LPAR3: variants seen among roughly 807,000 people sequenced by gnomAD.
LPAR3 encodes lysophosphatidic acid receptor 3.
LPAR3 carries 7 observed loss-of-function variants against 17.8 expected under a neutral mutation model. That is an observed-to-expected ratio of 0.39 (90% CI 0.22 to 0.74). The LOEUF (loss-of-function observed/expected upper bound fraction) is 0.74, where lower values mean the gene tolerates loss of function less well. LPAR3 is among the 30% of genes least tolerant of loss of function. The probability of loss-of-function intolerance (pLI) is 0.40; values close to 1 mark genes in which losing one functional copy is unlikely to be tolerated. For missense variants in LPAR3, 391 were observed against 453.4 expected (o/e 0.86, Z 1.25); for synonymous variants, 179 against 179.9 (o/e 0.99, Z 0.04).
intron 1 of LPAR3, among the ~76,000 whole-genome samples, chr1:84,882,782 C>T (rs771539593): frequency 7.9e-5 from 12 of 152,076 alleles, no homozygotes; most frequent in Non-Finnish European, 1.3e-4. Context: ...CAAACCTGCA[C>T]GTTGTGCACA....
intron 2 of LPAR3, among the ~76,000 whole-genome samples, chr1:84,836,359 C>G (rs1452464915): frequency 1.6e-5 from 2 of 128,056 alleles, no homozygotes; most frequent in East Asian, 4.9e-4. Context: ...AAAAAAAAAC[C>G]CATTCTGCAA....
intron 2 of LPAR3, among the ~76,000 whole-genome samples, chr1:84,823,929 C>T (rs1176400072): frequency 1.3e-5 from 2 of 152,200 alleles, no homozygotes; most frequent in African/African-American, 4.8e-5. Context: ...AAGGATTGGA[C>T]ATTCTTCCTG....
chr1:84,817,041 T>C (rs754565756), intron 2 of LPAR3, among the ~76,000 whole-genome samples: 1 of 152,208 alleles, frequency 6.6e-6, no homozygotes, highest in South Asian at 2.1e-4. Context: ...AGTTCCCAGA[T>C]GCGTACCTCT....
intron 2 of LPAR3, among the ~76,000 whole-genome samples, chr1:84,819,193 C>A (rs1478887896): frequency 6.6e-6 from 1 of 152,192 alleles, no homozygotes; most frequent in African/African-American, 2.4e-5. Flanking sequence ...GTAGCTATAG[C>A]TTTTGATGTC....
intron 1 of LPAR3, among the ~76,000 whole-genome samples, chr1:84,885,641 GAGC>G (rs1337079312): frequency 1.3e-5 from 2 of 152,186 alleles, no homozygotes; most frequent in Non-Finnish European, 2.9e-5. Flanking sequence ...ATAGAGACAT[GAGC>G]TATGGCTGGG....
chr1:84,868,363 G>A (rs190793142), intron 1 of LPAR3, among the ~76,000 whole-genome samples: 1 of 152,224 alleles, frequency 6.6e-6, no homozygotes, highest in East Asian at 1.9e-4. Flanking sequence ...GCCCACCTTG[G>A]CCTCCCAAAG....
chr1:84,868,623 G>A (rs893101701), intron 1 of LPAR3, among the ~76,000 whole-genome samples: 1 of 152,124 alleles, frequency 6.6e-6, no homozygotes, highest in African/African-American at 2.4e-5. Flanking sequence ...AACCCTAACT[G>A]CAGTGATATT....
intron 1 of LPAR3, among the ~76,000 whole-genome samples, chr1:84,868,691 G>A (rs550488739): frequency 6.6e-6 from 1 of 152,088 alleles, no homozygotes; most frequent in Admixed American, 6.5e-5. Context: ...AGAGGCCTGA[G>A]AGAACTCGTG....
At chr1:84,832,859 A>G (rs1026310262) in intron 2 of LPAR3, among the ~76,000 whole-genome samples, 1 of 152,252 alleles carries the variant, frequency 6.6e-6, no homozygotes, top group Non-Finnish European at 1.5e-5. Context: ...TACATCAGAT[A>G]TATTGAAACC....
At chr1:84,870,807 CT>C (rs752502366) in intron 1 of LPAR3, among the ~76,000 whole-genome samples, 1 of 152,172 alleles carries the variant, frequency 6.6e-6, no homozygotes, top group African/African-American at 2.4e-5. Flanking sequence ...AGCCTGCATT[CT>C]TATCTGCAAC....
At chr1:84,834,225 A>G (rs1038067549) in intron 2 of LPAR3, among the ~76,000 whole-genome samples, 14 of 152,184 alleles carry the variant, frequency 9.2e-5, no homozygotes, top group South Asian at 6.2e-4. Context: ...TTACTTTCAT[A>G]CTTCCAGTAT....
chr1:84,847,256 T>G (rs1659610012), intron 2 of LPAR3, among the ~76,000 whole-genome samples: 1 of 152,222 alleles, frequency 6.6e-6, no homozygotes, highest in Non-Finnish European at 1.5e-5. Flanking sequence ...CTCTTGCTTC[T>G]GAAATGTTTG....
chr1:84,865,343 G>A (rs1349375839), intron 2 of LPAR3, 42 bp downstream of exon 2: 2 of 1,553,234 alleles, frequency 1.3e-6, no homozygotes, highest in Admixed American at 1.9e-5. Context: ...AAGATTTGCT[G>A]AATGAATGGG....
At chr1:84,831,660 A>G (rs1036045781) in intron 2 of LPAR3, among the ~76,000 whole-genome samples, 8 of 151,710 alleles carry the variant, frequency 5.3e-5, no homozygotes, top group East Asian at 1.9e-4. Context: ...CTTTCAAACT[A>G]TGACATAATG....
At chr1:84,821,270 G>T (rs1353869818) in intron 2 of LPAR3, among the ~76,000 whole-genome samples, 4 of 151,950 alleles carry the variant, frequency 2.6e-5, no homozygotes, top group Admixed American at 6.6e-5. Flanking sequence ...GCCCTATGTA[G>T]CAGAATGGGC....
intron 2 of LPAR3, among the ~76,000 whole-genome samples, chr1:84,851,932 G>A (rs558235385): frequency 6.6e-6 from 1 of 152,292 alleles, no homozygotes; most frequent in Admixed American, 6.5e-5. Flanking sequence ...AAGGCCTGGA[G>A]CAAGAAAATG....
intron 1 of LPAR3, among the ~76,000 whole-genome samples, chr1:84,876,743 CTG>C (rs1158929817): frequency 1.3e-5 from 2 of 152,194 alleles, no homozygotes; most frequent in Non-Finnish European, 2.9e-5. Context: ...ACAACAAAAA[CTG>C]TTATTTGAAA....
intron 2 of LPAR3, among the ~76,000 whole-genome samples, chr1:84,834,512 A>G (rs1387524367): frequency 6.6e-6 from 1 of 152,156 alleles, no homozygotes; most frequent in East Asian, 1.9e-4. Flanking sequence ...CAGAGGTTTT[A>G]TTATGAATCA....
rs145702527 is a variant in LPAR3 at position 84,837,017 on chromosome 1, C to G, written c.737-22846G>C. ...TCTATCACTAAAGGAAAAAACCTTA[C>G]TTTATCAATTTTTTTTTTTTTTTTT... On this transcript the variant is annotated intron_variant, in intron 2 of 2. Transcript: ENST00000370611. Among the ~76,000 whole-genome samples, 108 of 138,564 alleles carry G rather than the reference C, an allele frequency of 7.8e-4. 3 individuals are homozygous for G. In the East Asian group the frequency reaches 0.013, roughly 17 times the overall value. The allele number at this position is 138,564 out of a possible 152,430, so 90.9% of individuals were successfully genotyped here.
Sources: allele counts gnomAD v4.1 joint callset (sites outside exome capture counted in the v4.1 genomes callset), GRCh38; gene constraint gnomAD v4.1.1; transcripts MANE v1.5; gene names NCBI Gene and HGNC (gene_info 2026-07-23, HGNC 2026-07-21).